CADPS2: variants seen among roughly 807,000 people sequenced by gnomAD.
CADPS2 encodes calcium-dependent secretion activator 2.
A neutral mutation model predicts 172.5 loss-of-function variants in CADPS2; 93 were observed. The observed-to-expected ratio is 0.54, with a 90% CI of 0.46 to 0.64. The LOEUF (loss-of-function observed/expected upper bound fraction) is 0.64. CADPS2 is among the 30% of genes least tolerant of loss of function. CADPS2 has a pLI of 0.00. For missense variants in CADPS2, 1,420 were observed against 1,565.9 expected (o/e 0.91, Z 1.57); for synonymous variants, 546 against 555.2 (o/e 0.98, Z 0.23).
At chr7:122,511,309 C>A (rs949320258) in intron 9 of CADPS2, among the ~76,000 whole-genome samples, 4 of 152,022 alleles carry the variant, frequency 2.6e-5, no homozygotes, top group African/African-American at 9.7e-5. Flanking sequence ...GAGTAATAAT[C>A]AAAGTATACA....
At chr7:122,885,853 T>C (rs1053045877) in intron 1 of CADPS2, 146 bp downstream of exon 1, 7 of 1,003,818 alleles carry the variant, frequency 7.0e-6, no homozygotes, top group South Asian at 1.4e-5. Context: ...AGCACCGTCT[T>C]GTCCCCAAAG....
intron 3 of CADPS2, among the ~76,000 whole-genome samples, chr7:122,630,322 T>C (rs1020930113): frequency 1.3e-5 from 2 of 150,016 alleles, no homozygotes; most frequent in South Asian, 2.1e-4. Flanking sequence ...AAAAGATGAG[T>C]AGAAGCAAAC....
chr7:122,369,652 A>G (rs560319762), intron 25 of CADPS2: 1 of 152,378 alleles, frequency 6.6e-6, no homozygotes, highest in East Asian at 1.9e-4. Flanking sequence ...AGGCAGCTCA[A>G]TCTCAACATG....
At chr7:122,827,751 A>G (rs781609773) in intron 1 of CADPS2, among the ~76,000 whole-genome samples, 1 of 152,188 alleles carries the variant, frequency 6.6e-6, no homozygotes, top group Non-Finnish European at 1.5e-5. Flanking sequence ...CATTATCCTG[A>G]TATCAACATC....
intron 2 of CADPS2, among the ~76,000 whole-genome samples, chr7:122,669,675 C>T (rs58596737): frequency 0.049 from 7,394 of 151,910 alleles, 573 homozygotes; most frequent in African/African-American, 0.17. Context: ...GCTACATTTC[C>T]CCTGTCCTCA....
chr7:122,725,999 T>C (rs912384976), intron 2 of CADPS2, among the ~76,000 whole-genome samples: 4 of 151,840 alleles, frequency 2.6e-5, no homozygotes, highest in East Asian at 3.9e-4. Context: ...TCCTAAACAG[T>C]TTGAATTTTT....
At chr7:122,351,275 A>G (rs1428674313) in intron 27 of CADPS2, among the ~76,000 whole-genome samples, 2 of 148,100 alleles carry the variant, frequency 1.4e-5, no homozygotes, top group African/African-American at 4.9e-5. Context: ...TGGGAGGCTG[A>G]GGCAGGACAA....
chr7:122,366,352 C>T (rs901579998), intron 25 of CADPS2, among the ~76,000 whole-genome samples: 2 of 150,782 alleles, frequency 1.3e-5, no homozygotes, highest in African/African-American at 4.9e-5. Flanking sequence ...CACCTGTAAT[C>T]CCAGCACTTT....
rs149853241 is a variant in CADPS2 at position 122,882,423 on chromosome 7, A to G, written c.339+3576T>C. 8.8e-4 allele frequency among the ~76,000 whole-genome samples: 134 copies of G among 152,264 alleles called. 3 individuals are homozygous for G. The East Asian group carries it at 0.025, about 29-fold the overall frequency. ...AAATACATAAAAACTCAAATAATGA[A>G]AAGAGCAGTGACTAGAAACCTATGG... On this transcript the variant is annotated intron_variant, in intron 1 of 29. Coordinates refer to ENST00000449022, the MANE Select transcript of CADPS2 (RefSeq NM_017954.11).
At chr7:122,774,269 TACACACACACACACAC>T (rs56843003) in intron 1 of CADPS2, among the ~76,000 whole-genome samples, 42 of 143,066 alleles carry the variant, frequency 2.9e-4, no homozygotes, top group African/African-American at 8.6e-4. Flanking sequence ...TAGATAGATA[TACACACACACACACAC>T]ACACACACAC....
chr7:122,407,754 A>G, intron 19 of CADPS2, 58 bp from the exon 20 acceptor site: 1 of 1,431,572 alleles, frequency 7.0e-7, no homozygotes, highest in Admixed American at 2.0e-5. Flanking sequence ...AAACATGCAC[A>G]AGTACTGTGC....
chr7:122,867,933 G>T (rs1247291856), intron 1 of CADPS2, among the ~76,000 whole-genome samples: 3 of 152,056 alleles, frequency 2.0e-5, no homozygotes, highest in African/African-American at 7.2e-5. Flanking sequence ...ATACCTGAAG[G>T]GGAAAGTGAG....
In CADPS2 at chr7:122,868,758, C is replaced by T. The variant is rs1453439022; in HGVS notation, c.339+17241G>A. On this transcript the variant is annotated intron_variant, in intron 1 of 29. Coordinates refer to ENST00000449022, the MANE Select transcript of CADPS2 (RefSeq NM_017954.11). ...CTAATGAATGGAGATATGTTTCTGA[C>T]CAGACAAGGAATTCAAAAGGACAGT... Among the ~76,000 whole-genome samples the T allele has an allele frequency of 3.3e-5, 5 of 152,176 alleles. No individual in the cohort carries two copies. The South Asian group carries it at 6.2e-4, about 19-fold the overall frequency.
intron 3 of CADPS2, among the ~76,000 whole-genome samples, chr7:122,638,752 C>A (rs1270030634): frequency 6.6e-6 from 1 of 152,188 alleles, no homozygotes; most frequent in African/African-American, 2.4e-5. Context: ...AATTCTATCC[C>A]TGTGTTGAGG....
At chr7:122,522,181 C>A (rs1343626866) in intron 8 of CADPS2, among the ~76,000 whole-genome samples, 1 of 152,022 alleles carries the variant, frequency 6.6e-6, no homozygotes, top group Non-Finnish European at 1.5e-5. Context: ...GTGGTGTGAT[C>A]TTGGCTCACT....
intron 3 of CADPS2, among the ~76,000 whole-genome samples, chr7:122,656,702 T>C (rs572268429): frequency 1.3e-5 from 2 of 152,262 alleles, no homozygotes; most frequent in East Asian, 3.9e-4. Flanking sequence ...GGATGTAGAC[T>C]TTCCCTGGGG....
intron 3 of CADPS2, among the ~76,000 whole-genome samples, chr7:122,630,616 G>A (rs1453230728): frequency 2.0e-5 from 3 of 152,094 alleles, no homozygotes; most frequent in African/African-American, 7.2e-5. Context: ...TTAAAGTGTA[G>A]GAGTGATATG....
intron 2 of CADPS2, among the ~76,000 whole-genome samples, chr7:122,734,363 AAAAAAAAAAAAAAAAAAAAAAAAG>A (rs2091955317): frequency 1.2e-5 from 1 of 86,744 alleles, no homozygotes; most frequent in Admixed American, 1.3e-4. Context: ...TAGTAAAAAA[AAAAAAAAAAAAAAAAAAAAAAAAG>A]AAAAAAAAAA....
intron 19 of CADPS2, 52 bp from the exon 20 acceptor site, chr7:122,407,748 A>G: frequency 6.8e-7 from 1 of 1,476,882 alleles, no homozygotes; most frequent in Non-Finnish European, 9.3e-7. Flanking sequence ...TTTTAGAAAC[A>G]TGCACAAGTA....
Sources: allele counts gnomAD v4.1 joint callset (sites outside exome capture counted in the v4.1 genomes callset), GRCh38; gene constraint gnomAD v4.1.1; transcripts MANE v1.5; gene names NCBI Gene and HGNC (gene_info 2026-07-23, HGNC 2026-07-21).